Variants in FBLN1 observed in about 807,000 individuals in gnomAD.
FBLN1 encodes the protein fibulin-1.
FBLN1 carries 34 observed loss-of-function variants against 89.7 expected under a neutral mutation model. The observed-to-expected ratio is 0.38, with a 90% CI of 0.29 to 0.50. The LOEUF (loss-of-function observed/expected upper bound fraction) is 0.50, where lower values mean the gene tolerates loss of function less well. Ranked by LOEUF, FBLN1 falls within the 20% of genes least tolerant of loss-of-function variation. The pLI, the probability that FBLN1 is intolerant of heterozygous loss-of-function variation, is 0.92. For missense variants in FBLN1, 777 were observed against 988.1 expected (o/e 0.79, Z 2.86); for synonymous variants, 393 against 391.3 (o/e 1.00, Z -0.05).
chr22:45,513,700 C>T (rs993255987), intron 1 of FBLN1, among the ~76,000 whole-genome samples: 1 of 152,194 alleles, frequency 6.6e-6, no homozygotes, highest in African/African-American at 2.4e-5. Flanking sequence ...GACAAATTCC[C>T]TACAAATTTA....
intron 2 of FBLN1, chr22:45,523,035 G>C (rs994243525): frequency 6.2e-6 from 4 of 650,222 alleles, no homozygotes; most frequent in Admixed American, 2.2e-5. Context: ...AGGATGTGCC[G>C]TGGGGGAAAC....
chr22:45,511,767 G>A (rs1281320250), intron 1 of FBLN1, among the ~76,000 whole-genome samples: 1 of 152,094 alleles, frequency 6.6e-6, no homozygotes, highest in East Asian at 1.9e-4. Flanking sequence ...CATTTTTACA[G>A]ATGAAGGAAG....
At chr22:45,592,591 G>T (rs761166931) in intron 16 of FBLN1, among the ~76,000 whole-genome samples, 1 of 152,212 alleles carries the variant, frequency 6.6e-6, no homozygotes, top group Non-Finnish European at 1.5e-5. Flanking sequence ...GCCTCCCAAA[G>T]TGCTGGGATG....
At chr22:45,544,399 C>T (rs184499006) in intron 11 of FBLN1, among the ~76,000 whole-genome samples, 30 of 152,288 alleles carry the variant, frequency 2.0e-4, no homozygotes, top group Non-Finnish European at 3.8e-4. Context: ...CCTCTAACTT[C>T]GTGTTGGAGT....
At chr22:45,519,940 C>T (rs1002333155) in intron 2 of FBLN1, among the ~76,000 whole-genome samples, 11 of 151,988 alleles carry the variant, frequency 7.2e-5, no homozygotes, top group Admixed American at 6.6e-4. Context: ...GAGACCAAGG[C>T]GGGTGGATCA....
Position 45,555,070 on chromosome 22 carries a change from G to A in FBLN1, c.1697+4455G>A, listed in dbSNP as rs369180368. 6.4e-3 allele frequency among the ~76,000 whole-genome samples: 950 copies of A among 147,706 alleles called. 14 individuals carry two copies. Among genetic ancestry groups the A allele is most frequent in the South Asian group, 0.015 (70 of 4,550 alleles). ...CCCGTCCCCGTCTCCACCGCAGGAG[G>A]TTAGGACCCGTCCCCGTCTCCACCG... On this transcript the variant is annotated intron_variant, in intron 14 of 16. Transcript: ENST00000327858.
rs528317445 is a variant in FBLN1 at position 45,553,319 on chromosome 22, C to T, written c.1697+2704C>T. On this transcript the variant is annotated intron_variant, in intron 14 of 16. Transcript: ENST00000327858. ...CAAGTTGGAGCACATTGTCCTCTAA[C>T]GCATGACATGGCCCAGGATGGGTGG... Among the ~76,000 whole-genome samples the T allele has an allele frequency of 3.3e-3, 510 of 152,264 alleles. 1 individual carries two copies. The highest frequency in any genetic ancestry group is 5.7e-3 in the Non-Finnish European group (390 of 68,020).
At chr22:45,527,045 C>T (rs1018890074) in intron 3 of FBLN1, among the ~76,000 whole-genome samples, 3 of 152,210 alleles carry the variant, frequency 2.0e-5, no homozygotes, top group Non-Finnish European at 4.4e-5. Flanking sequence ...ATGCTCCCTA[C>T]ACTTTCTGGC....
chr22:45,510,908 C>T (rs546208157), intron 1 of FBLN1, among the ~76,000 whole-genome samples: 1 of 152,330 alleles, frequency 6.6e-6, no homozygotes, highest in South Asian at 2.1e-4. Flanking sequence ...TGAGCCAGCT[C>T]CATCCATCTG....
intron 3 of FBLN1, among the ~76,000 whole-genome samples, chr22:45,526,627 G>A (rs2088332269): frequency 6.6e-6 from 1 of 152,220 alleles, no homozygotes; most frequent in African/African-American, 2.4e-5. Context: ...AGAGGGTGTG[G>A]GAGCTCCTTT....
chr22:45,561,712 G>A lies in FBLN1; in HGVS notation c.1697+11097G>A, dbSNP rs183227295. On this transcript the variant is annotated intron_variant, in intron 14 of 16. Coordinates refer to ENST00000327858, the MANE Select transcript of FBLN1 (RefSeq NM_006486.3). The surrounding 1 kb of genome is among the most constrained non-coding windows in gnomAD (Gnocchi z 4.7). Reference sequence around the variant, plus strand: ...GTAGTTAGGGTTCTCTAGAGGGACAGAACTAACGGAATACATATGTATAAT... The same window carrying A: ...GTAGTTAGGGTTCTCTAGAGGGACAAAACTAACGGAATACATATGTATAAT... Among the ~76,000 whole-genome samples, 3 of 152,160 alleles carry A rather than the reference G, an allele frequency of 2.0e-5. No homozygotes were observed. Among genetic ancestry groups the A allele is most frequent in the African/African-American group, 7.2e-5 (3 of 41,442 alleles).
intron 16 of FBLN1, among the ~76,000 whole-genome samples, chr22:45,596,115 C>T (rs1177772178): frequency 4.6e-5 from 7 of 152,138 alleles, no homozygotes; most frequent in South Asian, 4.1e-4. Flanking sequence ...GTGATCCGCC[C>T]GCCTCGGCCT....
At chr22:45,592,092 C>G (rs901996986) in intron 16 of FBLN1, among the ~76,000 whole-genome samples, 3 of 152,196 alleles carry the variant, frequency 2.0e-5, no homozygotes, top group Non-Finnish European at 2.9e-5. Context: ...GGACGGAAAC[C>G]TGCGGCCCTG....
In FBLN1 at chr22:45,591,932, TGCGCGCC is replaced by T. The variant is rs1326534104; in HGVS notation, c.1973-8374_1973-8368del. ...TGCAGACAGGAGGGAGGAAGTGTCC[TGCGCGCC>T]ATTTTGCAGACAGGAGGGAGGAAGT... is the stretch of plus-strand genomic sequence containing the variant. On this transcript the variant is annotated intron_variant, in intron 16 of 16. Transcript: ENST00000327858. 2.0e-4 allele frequency among the ~76,000 whole-genome samples: 27 copies of T among 136,366 alleles called. 2 individuals are homozygous for T. In the East Asian group the frequency reaches 5.7e-3, roughly 29 times the overall value. 89.5% of individuals were successfully genotyped at this position (136,366 alleles called of 152,430 possible).
Position 45,561,708 on chromosome 22 carries a change from G to A in FBLN1, c.1697+11093G>A, listed in dbSNP as rs2088852231. Among the ~76,000 whole-genome samples, 1 of 152,130 alleles carries A rather than the reference G, an allele frequency of 6.6e-6. No homozygotes were observed. The highest frequency in any genetic ancestry group is 1.5e-5 in the Non-Finnish European group (1 of 68,022). ...TGTAGTAGTTAGGGTTCTCTAGAGG[G>A]ACAGAACTAACGGAATACATATGTA... On this transcript the variant is annotated intron_variant, in intron 14 of 16. Transcript: ENST00000327858. The surrounding 1 kb of genome is among the most constrained non-coding windows in gnomAD (Gnocchi z 4.7).
intron 1 of FBLN1, among the ~76,000 whole-genome samples, chr22:45,507,108 C>G (rs958210132): frequency 1.1e-4 from 16 of 151,838 alleles, no homozygotes; most frequent in Non-Finnish European, 1.0e-4. Flanking sequence ...GAGGGGAGCT[C>G]AGGACTGGCT....
chr22:45,575,912 C>T lies in FBLN1; in HGVS notation c.1841-1065C>T, dbSNP rs561201416. On this transcript the variant is annotated intron_variant, in intron 15 of 16. Coordinates refer to ENST00000327858, the MANE Select transcript of FBLN1 (RefSeq NM_006486.3). This position sits in a 1 kb window ranked among gnomAD's most constrained non-coding sequence, Gnocchi z 6.3. ...GATGAGTTCATTCAGCAGCCGTGGA[C>T]GGAGCCCCTCTGTGTCAGGCTCTAG... Among the ~76,000 whole-genome samples, 12 of 152,294 alleles carry T rather than the reference C, an allele frequency of 7.9e-5. No individual in the cohort carries two copies. Among genetic ancestry groups the T allele is most frequent in the East Asian group, 3.9e-4 (2 of 5,184 alleles).
intron 2 of FBLN1, chr22:45,522,942 C>G (rs1569238217): frequency 4.1e-6 from 2 of 489,754 alleles, no homozygotes; most frequent in African/African-American, 1.9e-5. Context: ...ATGCAAGTCC[C>G]CTGGCCTCGT....
At chr22:45,554,255 T>A (rs1056871385) in intron 14 of FBLN1, among the ~76,000 whole-genome samples, 1 of 152,224 alleles carries the variant, frequency 6.6e-6, no homozygotes, top group African/African-American at 2.4e-5. Context: ...GAAGCACAGC[T>A]CATGGGTCCC....
Sources: gnomAD v4.1 joint callset for allele counts (sites outside exome capture counted in the v4.1 genomes callset) on GRCh38, gnomAD v4.1.1 for gene constraint, Gnocchi (gnomAD v3.1) non-coding constraint, MANE v1.5 for transcripts, NCBI Gene and HGNC (gene_info 2026-07-23, HGNC 2026-07-21) for gene names.